Variants in VRK2 observed in about 807,000 individuals in gnomAD.
The protein encoded by VRK2 is VRK serine/threonine kinase 2, also known as serine/threonine-protein kinase VRK2.
A neutral mutation model predicts 57.6 loss-of-function variants in VRK2; 60 were observed. The observed-to-expected ratio is 1.04, with a 90% CI of 0.85 to 1.29. The LOEUF (loss-of-function observed/expected upper bound fraction) is 1.29. VRK2 is among the 50% of genes most tolerant of loss of function. VRK2 has a pLI of 0.00. For missense variants in VRK2, 705 were observed against 588.1 expected (o/e 1.20, Z -2.06); for synonymous variants, 231 against 199.2 (o/e 1.16, Z -1.35).
intron 7 of VRK2, among the ~76,000 whole-genome samples, chr2:58,108,842 A>G (rs756059723): frequency 6.6e-6 from 1 of 152,196 alleles, no homozygotes; most frequent in Non-Finnish European, 1.5e-5. Flanking sequence ...TTCTGGTCAG[A>G]TTGATTTAGG....
At chr2:58,149,059 A>AT (rs1250676012) in intron 12 of VRK2, among the ~76,000 whole-genome samples, 1 of 151,822 alleles carries the variant, frequency 6.6e-6, no homozygotes, top group Non-Finnish European at 1.5e-5. Flanking sequence ...CTGGGAGTAC[A>AT]TTAAGTGTAA....
intron 1 of VRK2, among the ~76,000 whole-genome samples, chr2:57,969,032 A>T (rs1016059161): frequency 6.6e-6 from 1 of 152,090 alleles, no homozygotes; most frequent in Non-Finnish European, 1.5e-5. Flanking sequence ...ACCATTAAAG[A>T]TTTTCTTTTT....
At chr2:57,972,515 A>G (rs1242415270) in intron 1 of VRK2, among the ~76,000 whole-genome samples, 1 of 151,898 alleles carries the variant, frequency 6.6e-6, no homozygotes, top group Non-Finnish European at 1.5e-5. Context: ...ACCCATTAAG[A>G]AAGTTTAGCC....
At chr2:58,026,969 T>C (rs556290649) in intron 2 of VRK2, 1 of 152,116 alleles carries the variant, frequency 6.6e-6, no homozygotes, top group South Asian at 2.1e-4. Flanking sequence ...GCTCACGTGA[T>C]TGACCTCCCA....
At chr2:58,065,167 G>GA (rs1553390831) in intron 2 of VRK2, among the ~76,000 whole-genome samples, 5 of 151,850 alleles carry the variant, frequency 3.3e-5, no homozygotes, top group South Asian at 2.1e-4. Context: ...AAAATAAAGA[G>GA]AAAAAAATCT....
chr2:57,996,918 T>A (rs1672942110), intron 1 of VRK2, among the ~76,000 whole-genome samples: 1 of 152,128 alleles, frequency 6.6e-6, no homozygotes, highest in Non-Finnish European at 1.5e-5. Flanking sequence ...TTGTACTTTT[T>A]TTATTATATT....
intron 7 of VRK2, among the ~76,000 whole-genome samples, chr2:58,110,657 G>A (rs1229320968): frequency 3.3e-5 from 5 of 152,126 alleles, no homozygotes; most frequent in African/African-American, 1.2e-4. Flanking sequence ...GGGCTTTTTG[G>A]AGGCAGGAAA....
chr2:58,078,661 T>A (rs1670458990), intron 2 of VRK2, among the ~76,000 whole-genome samples: 2 of 152,094 alleles, frequency 1.3e-5, no homozygotes, highest in Non-Finnish European at 2.9e-5. Context: ...CAGCATCTGT[T>A]ATTTTCAAAA....
At position 58,159,622 on chromosome 2, in the gene VRK2, G is replaced by A; in HGVS notation, c.1456G>A (p.Asp486Asn). ...TACTCTTAGTGAAGAGACAAACGCA[G>A]ATGTTTATTATTATCGCATCATCAT... ...QFTLSEETNADVYYYRIIIPV... is the reference protein window; with the variant it reads ...QFTLSEETNANVYYYRIIIPV... The change falls in exon 13 of 13, where the codon GAT (aspartate) becomes AAT (asparagine). Residue 486 changes from aspartate (D) to asparagine (N), a missense_variant. Transcript: ENST00000340157. The A allele has an allele frequency of 6.2e-7, 1 of 1,613,764 alleles. No individual in the cohort carries two copies. The highest frequency in any genetic ancestry group is 2.2e-5 in the East Asian group (1 of 44,838).
chr2:57,993,112 A>G (rs1239094768), intron 1 of VRK2, among the ~76,000 whole-genome samples: 3 of 152,242 alleles, frequency 2.0e-5, no homozygotes, highest in Non-Finnish European at 4.4e-5. Flanking sequence ...TTTAGTGTTC[A>G]GTAAATATTA....
At chr2:57,912,585 A>G (rs548825669) in intron 1 of VRK2, among the ~76,000 whole-genome samples, 4 of 152,338 alleles carry the variant, frequency 2.6e-5, no homozygotes, top group South Asian at 2.1e-4. Context: ...TGGGAAGGAC[A>G]TATTTGATGA....
At chr2:58,047,998 T>G (rs1279582837) in intron 1 of VRK2, among the ~76,000 whole-genome samples, 1 of 152,262 alleles carries the variant, frequency 6.6e-6, no homozygotes, top group African/African-American at 2.4e-5. Context: ...CCTTCACATT[T>G]AAATTATTTT....
At chr2:58,153,638 C>T (rs1351306696) in intron 12 of VRK2, among the ~76,000 whole-genome samples, 1 of 152,076 alleles carries the variant, frequency 6.6e-6, no homozygotes, top group Non-Finnish European at 1.5e-5. Flanking sequence ...AGGAGTTTTA[C>T]ATCTGTGCTC....
intron 7 of VRK2, among the ~76,000 whole-genome samples, chr2:58,091,964 T>C (rs1244910310): frequency 6.6e-6 from 1 of 152,180 alleles, no homozygotes; most frequent in Non-Finnish European, 1.5e-5. Context: ...GTAAATTAAA[T>C]GGTATAAGAA....
At chr2:58,114,573 A>G (rs1227470306) in intron 7 of VRK2, among the ~76,000 whole-genome samples, 2 of 152,136 alleles carry the variant, frequency 1.3e-5, no homozygotes, top group Non-Finnish European at 2.9e-5. Flanking sequence ...GAAAGTGGTA[A>G]AAGTATTGTC....
At chr2:58,130,034 G>A (rs185627824) in intron 8 of VRK2, among the ~76,000 whole-genome samples, 85 of 152,246 alleles carry the variant, frequency 5.6e-4, no homozygotes, top group Middle Eastern at 3.4e-3. Flanking sequence ...TTCAAATGAA[G>A]ACCAGTTTAT....
At chr2:58,140,089 G>A (rs1681102773) in intron 11 of VRK2, among the ~76,000 whole-genome samples, 1 of 151,966 alleles carries the variant, frequency 6.6e-6, no homozygotes, top group South Asian at 2.1e-4. Flanking sequence ...TGTGACTAGG[G>A]TAAAGGCTAA....
chr2:57,969,153 G>A (rs1188230776), intron 1 of VRK2, among the ~76,000 whole-genome samples: 1 of 151,900 alleles, frequency 6.6e-6, no homozygotes, highest in Non-Finnish European at 1.5e-5. Flanking sequence ...AAACATAAGA[G>A]ACAAAAATTA....
At chr2:57,987,936 G>C (rs1018806811) in intron 1 of VRK2, among the ~76,000 whole-genome samples, 3 of 152,122 alleles carry the variant, frequency 2.0e-5, no homozygotes, top group Non-Finnish European at 4.4e-5. Context: ...AATTTACAAG[G>C]CATTCTGGAA....
Sources: gnomAD v4.1 joint callset for allele counts (sites outside exome capture counted in the v4.1 genomes callset) on GRCh38, gnomAD v4.1.1 for gene constraint, MANE v1.5 for transcripts, NCBI Gene and HGNC (gene_info 2026-07-23, HGNC 2026-07-21) for gene names.